FGF5: variants seen among roughly 807,000 people sequenced by gnomAD.
FGF5 encodes fibroblast growth factor 5, also known as heparin-binding growth factor 5.
In FGF5, 23 loss-of-function variants were observed where a neutral mutation model predicts 21.8. The ratio of observed to expected loss-of-function variants is 1.05; its 90% confidence interval spans 0.76 to 1.49. The LOEUF is 1.49. Ranked by LOEUF, FGF5 falls within the 40% of genes most tolerant of loss-of-function variation. The pLI, the probability that FGF5 is intolerant of heterozygous loss-of-function variation, is 0.00. For missense variants in FGF5, 352 were observed against 332.9 expected (o/e 1.06, Z -0.45); for synonymous variants, 158 against 124.0 (o/e 1.27, Z -1.82).
At chr4:80,282,772 G>A (rs1466732660) in intron 2 of FGF5, among the ~76,000 whole-genome samples, 1 of 151,856 alleles carries the variant, frequency 6.6e-6, no homozygotes, top group Non-Finnish European at 1.5e-5. Flanking sequence ...GAAAAAGTCT[G>A]TTAATTTCAG....
At chr4:80,268,553 G>A (rs1293545485) in intron 1 of FGF5, 6 of 985,664 alleles carry the variant, frequency 6.1e-6, no homozygotes, top group Non-Finnish European at 7.2e-6. Flanking sequence ...GAGGGGGGTC[G>A]GAGGCGCGCA....
chr4:80,274,866 A>C, intron 1 of FGF5, 43 bp from the exon 2 acceptor site: 1 of 828,896 alleles, frequency 1.2e-6, no homozygotes, highest in Non-Finnish European at 2.0e-6. Context: ...ACAATGATAT[A>C]AATAAGAGCC....
Position 80,286,702 on chromosome 4 carries a change from C to G in FGF5, c.*30C>G. Reference sequence around the variant, plus strand: ...CCTCTTGGCCTTGTGAGAAACCATTCTTTCCCCTCAGGAGTTTCTATAGGT... The same window carrying G: ...CCTCTTGGCCTTGTGAGAAACCATTGTTTCCCCTCAGGAGTTTCTATAGGT... On this transcript the variant is annotated 3_prime_UTR_variant, in exon 3 of 3. Transcript: ENST00000312465. The G allele has an allele frequency of 6.4e-7, 1 of 1,570,752 alleles. No individual in the cohort carries two copies. Among genetic ancestry groups the G allele is most frequent in the Non-Finnish European group, 8.7e-7 (1 of 1,145,324 alleles).
Position 80,288,256 on chromosome 4 carries a change from C to T in FGF5, c.*1584C>T, listed in dbSNP as rs1385988426. The T allele has an allele frequency of 6.6e-6, 1 of 151,904 alleles. No individual in the cohort carries two copies. Among genetic ancestry groups the T allele is most frequent in the Non-Finnish European group, 1.5e-5 (1 of 67,946 alleles). The allele number at this position is 151,904 out of a possible 1,614,324, so 9.4% of individuals were successfully genotyped here. On this transcript the variant is annotated 3_prime_UTR_variant, in exon 3 of 3. Transcript: ENST00000312465. Reference sequence around the variant, plus strand: ...TGCACAAATACAAAGTGGAAACTTACCAAAATTGAACTAGCTACCATATAA... The same window carrying T: ...TGCACAAATACAAAGTGGAAACTTATCAAAATTGAACTAGCTACCATATAA...
chr4:80,278,920 A>G (rs1378211726), intron 2 of FGF5, among the ~76,000 whole-genome samples: 1 of 152,178 alleles, frequency 6.6e-6, no homozygotes, highest in Non-Finnish European at 1.5e-5. Flanking sequence ...TACTTTCCAA[A>G]GAGCCATGAG....
chr4:80,267,207 C>G (rs1225033931), intron 1 of FGF5, 28 bp downstream of exon 1: 3 of 1,536,884 alleles, frequency 2.0e-6, no homozygotes, highest in Non-Finnish European at 1.8e-6. Context: ...CTACAAAACC[C>G]GTCCTAGGCG....
In FGF5 at chr4:80,288,624, G is replaced by C. The variant is rs1720807500; in HGVS notation, c.*1952G>C. On this transcript the variant is annotated 3_prime_UTR_variant, in exon 3 of 3. Transcript: ENST00000312465. Reference sequence around the variant, plus strand: ...TTACTCTAGTTTATTCTAATCTATTGTTAAGTATTGTGCACTGTATACCAA... The same window carrying C: ...TTACTCTAGTTTATTCTAATCTATTCTTAAGTATTGTGCACTGTATACCAA... 1.3e-5 allele frequency: 2 copies of C among 152,368 alleles called. No individual in the cohort carries two copies. The highest frequency in any genetic ancestry group is 4.1e-4 in the South Asian group (2 of 4,834). The allele number at this position is 152,368 out of a possible 1,614,324, so 9.4% of individuals were successfully genotyped here. A position where few individuals can be genotyped will look rare whatever the true frequency, so the allele number is the denominator to read the frequency against.
At chr4:80,271,189 G>A (rs1720260696) in intron 1 of FGF5, among the ~76,000 whole-genome samples, 1 of 152,156 alleles carries the variant, frequency 6.6e-6, no homozygotes, top group Non-Finnish European at 1.5e-5. Flanking sequence ...GGAAAAATGT[G>A]TATAGTTGTA....
intron 2 of FGF5, among the ~76,000 whole-genome samples, chr4:80,285,331 G>A (rs1720681031): frequency 1.3e-5 from 2 of 152,094 alleles, no homozygotes; most frequent in African/African-American, 4.8e-5. Context: ...ACTACTTACA[G>A]GTATTTGAAA....
chr4:80,276,298 G>A (rs1404119795), intron 2 of FGF5, among the ~76,000 whole-genome samples: 1 of 151,772 alleles, frequency 6.6e-6, no homozygotes, highest in Non-Finnish European at 1.5e-5. Context: ...AACATAAATG[G>A]AAATCCTTTG....
chr4:80,281,836 T>C (rs1169828184), intron 2 of FGF5, among the ~76,000 whole-genome samples: 2 of 152,222 alleles, frequency 1.3e-5, no homozygotes, highest in African/African-American at 4.8e-5. Flanking sequence ...ATTTCTGGAA[T>C]ATTGTAGTTA....
At chr4:80,268,665 C>T (rs1720183452) in intron 1 of FGF5, 1 of 285,866 alleles carries the variant, frequency 3.5e-6, no homozygotes, top group African/African-American at 2.3e-5. Context: ...GGTCTATGCC[C>T]GCCCCTCTGC....
intron 1 of FGF5, among the ~76,000 whole-genome samples, chr4:80,271,908 C>T (rs1253991164): frequency 2.0e-5 from 3 of 152,102 alleles, no homozygotes. Flanking sequence ...ACGTAGAATT[C>T]CTGAATGAGT....
At chr4:80,278,374 G>A (rs962296196) in intron 2 of FGF5, among the ~76,000 whole-genome samples, 20 of 151,906 alleles carry the variant, frequency 1.3e-4, no homozygotes, top group Non-Finnish European at 2.5e-4. Flanking sequence ...TTGAACTGGT[G>A]TTTCCCCCAT....
rs542157486 is a variant in FGF5 at position 80,286,655 on chromosome 4, A to C, written c.790A>C (p.Lys264Gln). The C allele has an allele frequency of 1.1e-5, 18 of 1,613,528 alleles. No homozygotes were observed. The South Asian group carries it at 2.0e-4, about 18-fold the overall frequency. Reference sequence around the variant, plus strand: ...TACCAACTCAGTGAAATACAGACTCAAGTTTCGCTTTGGATAATATTCCTC... The same window carrying C: ...TACCAACTCAGTGAAATACAGACTCCAGTTTCGCTTTGGATAATATTCCTC... ...KNTNSVKYRL[K>Q]FRFG The change falls in exon 3 of 3, where the codon AAG (lysine) becomes CAG (glutamine). Residue 264 changes from lysine (K) to glutamine (Q), a missense_variant. Transcript: ENST00000312465.
Position 80,287,034 on chromosome 4 carries a change from G to T in FGF5, c.*362G>T. The T allele has an allele frequency of 6.0e-6, 1 of 167,600 alleles. No homozygotes were observed. Among genetic ancestry groups the T allele is most frequent in the Non-Finnish European group, 1.3e-5 (1 of 78,474 alleles). 10.4% of individuals were successfully genotyped at this position (167,600 alleles called of 1,614,324 possible). A position where few individuals can be genotyped will look rare whatever the true frequency, so the allele number is the denominator to read the frequency against. ...CATACATGATACATTTTTATTTTTG[G>T]TTTCCAAAGAATATTTTGATGCAGA... On this transcript the variant is annotated 3_prime_UTR_variant, in exon 3 of 3. Transcript: ENST00000312465.
At chr4:80,280,650 T>C (rs1560500736) in intron 2 of FGF5, among the ~76,000 whole-genome samples, 1 of 152,188 alleles carries the variant, frequency 6.6e-6, no homozygotes, top group Non-Finnish European at 1.5e-5. Context: ...CAGATAATAC[T>C]ATCCTAATAG....
rs3839149 is a variant in FGF5, at chr4:80,269,062, GTTC to G, written c.355+1889_355+1891del. On this transcript the variant is annotated intron_variant, in intron 1 of 2. Transcript: ENST00000312465. ...CTTACAAGAAAACTTTCTTTCTTCT[GTTC>G]TTCTTGTAACGACCCGTGGAGTCAT... Among the ~76,000 whole-genome samples, 340 of 152,236 alleles carry G rather than the reference GTTC, an allele frequency of 2.2e-3. 11 individuals are homozygous for G. In the East Asian group the frequency reaches 0.06, roughly 27 times the overall value.
At chr4:80,274,301 C>T (rs1164412976) in intron 1 of FGF5, among the ~76,000 whole-genome samples, 1 of 152,062 alleles carries the variant, frequency 6.6e-6, no homozygotes, top group East Asian at 1.9e-4. Context: ...ATCCATTAAA[C>T]ATTTCATTGA....
Sources: gnomAD v4.1 joint callset for allele counts (sites outside exome capture counted in the v4.1 genomes callset) on GRCh38, gnomAD v4.1.1 for gene constraint, MANE v1.5 for transcripts, NCBI Gene and HGNC (gene_info 2026-07-23, HGNC 2026-07-21) for gene names.